KIF18B: variants seen among roughly 807,000 people sequenced by gnomAD.
KIF18B encodes kinesin family member 18B, also known as kinesin-like protein KIF18B.
Under a neutral mutation model 80.9 loss-of-function variants are expected in KIF18B, and 49 were observed. The ratio of observed to expected loss-of-function variants is 0.61; its 90% confidence interval spans 0.48 to 0.77. The LOEUF (loss-of-function observed/expected upper bound fraction) is 0.77. Among genes scored for constraint, KIF18B ranks in the 30% least tolerant of loss-of-function variants. KIF18B has a pLI of 0.00. For synonymous variants in KIF18B, 439 were observed against 463.9 expected (o/e 0.95, Z 0.69); for missense variants, 994 against 1,127.7 (o/e 0.88, Z 1.70).
Position 44,927,513 on chromosome 17 carries a change from G to A in KIF18B, c.2277-435C>T, listed in dbSNP as rs1271252998. 6.6e-6 allele frequency among the ~76,000 whole-genome samples: 1 copy of A among 152,230 alleles called. No homozygotes were observed. Among genetic ancestry groups the A allele is most frequent in the African/African-American group, 2.4e-5 (1 of 41,460 alleles). ...TGTTCCCCTCCTCTGCCATGTGTGT[G>A]GAAAGGGGGAGTGACAGCTTCGTCT... On this transcript the variant is annotated intron_variant, in intron 13 of 15. Coordinates refer to ENST00000593135, the MANE Select transcript of KIF18B (RefSeq NM_001265577.2). The surrounding 1 kb of genome is among the most constrained non-coding windows in gnomAD (Gnocchi z 4.1).
rs17546822 is a variant in KIF18B, at chr17:44,931,602, T to G, written c.1517A>C (p.Gln506Pro). The change falls in exon 11 of 16, where the codon CAG becomes CCG. Residue 506 changes from glutamine to proline, a missense_variant and splice_region_variant. By Grantham distance (76) the Gln-to-Pro change is moderately conservative. Transcript: ENST00000593135. ...ARELDGDRSK[Q>P]LALKVLCVAQ... is the part of the protein sequence containing the mutation. ...CAGAATACAGCAAGAAGATACCTAC[T>G]GCTTAGAACGGTCCCCATCCAGTTC... 1 of 1,613,930 alleles carries G rather than the reference T, an allele frequency of 6.2e-7. No individual in the cohort carries two copies. Among genetic ancestry groups the G allele is most frequent in the South Asian group, 1.1e-5 (1 of 91,088 alleles).
intron 3 of KIF18B, 72 bp downstream of exon 3, chr17:44,935,187 C>G (rs2052255727): frequency 6.9e-7 from 1 of 1,453,764 alleles, no homozygotes; most frequent in African/African-American, 1.4e-5. Context: ...CCCACACCAG[C>G]TCACTCCACC....
rs199637788 is a variant in KIF18B at position 44,926,154 on chromosome 17, G to A, written c.2485C>T (p.Arg829Trp). Residue 829 changes from arginine to tryptophan, a missense_variant, in exon 16 of 16, where the codon CGG (arginine) becomes TGG (tryptophan). By Grantham distance (101) the Arg-to-Trp change is moderately radical. Coordinates refer to ENST00000593135, the MANE Select transcript of KIF18B (RefSeq NM_001265577.2). ...LPLSPLCPSN[R>W]RNGKDLIRVG... is the part of the protein sequence containing the mutation. The stretch of plus-strand genomic sequence containing the variant: ...CTGATGAGGTCCTTTCCATTCCTCC[G>A]GTTGCTAGGGCACAGGGGACTCAAG... 19 of 1,613,774 alleles carry A rather than the reference G, an allele frequency of 1.2e-5. No homozygotes were observed. The African/African-American group carries it at 1.2e-4, about 10-fold the overall frequency.
Position 44,928,168 on chromosome 17 carries a change from G to A in KIF18B, c.2134C>T (p.Pro712Ser), listed in dbSNP as rs2052067907. ...AGGTCTCGAGTGGGCAGAGCCAGCG[G>A]GGTGGAGCAGTTCTGCATGGCGGAA... ...GPSAMQNCST[P>S]LALPTRDLNA... Residue 712 changes from proline (P) to serine (S), a missense_variant, in exon 13 of 16, where the codon CCG becomes TCG. Coordinates refer to ENST00000593135, the MANE Select transcript of KIF18B (RefSeq NM_001265577.2). 3.7e-6 allele frequency: 6 copies of A among 1,610,716 alleles called. No homozygotes were observed. Among genetic ancestry groups the A allele is most frequent in the Non-Finnish European group, 5.1e-6 (6 of 1,178,238 alleles).
At chr17:44,932,651 G>A (rs781695062) in intron 9 of KIF18B, 22 bp downstream of exon 9, 99 of 1,399,818 alleles carry the variant, frequency 7.1e-5, no homozygotes, top group Middle Eastern at 4.8e-4. Context: ...GGGTGGGGGC[G>A]GGAATGGGCA....
chr17:44,940,022 C>A (rs2052386583), intron 1 of KIF18B, among the ~76,000 whole-genome samples: 1 of 152,106 alleles, frequency 6.6e-6, no homozygotes, highest in Non-Finnish European at 1.5e-5. Context: ...CTCAAGCGAT[C>A]CACCCGCCTT....
intron 7 of KIF18B, 47 bp from the exon 8 acceptor site, chr17:44,933,033 C>T (rs1407113517): frequency 2.0e-5 from 31 of 1,556,340 alleles, no homozygotes; most frequent in Non-Finnish European, 2.4e-5. Context: ...TTCAAAGCAG[C>T]TTTTATCAGC....
At chr17:44,943,559 C>A (rs1005174679) in intron 1 of KIF18B, among the ~76,000 whole-genome samples, 1 of 152,072 alleles carries the variant, frequency 6.6e-6, no homozygotes, top group Non-Finnish European at 1.5e-5. Context: ...AGTGAGTATC[C>A]TTGCCCCTTT....
At chr17:44,926,901 A>C (rs947534977) in intron 14 of KIF18B, 88 bp downstream of exon 14, 1 of 1,147,574 alleles carries the variant, frequency 8.7e-7, no homozygotes, top group African/African-American at 1.5e-5. Flanking sequence ...AGACAGAGAC[A>C]CTGGGGGCCC....
In KIF18B at chr17:44,928,481, C is replaced by T. The variant is rs746876013; in HGVS notation, c.1821G>A (p.Leu607=). ...TGCAGTTGGGTCCAGGCGGGATTCC[C>T]AGGGTGTGCAGGGGGCCACTCAGTC... ...ARRLSGPLHT[L]GIPPGPNCTP... The change falls in exon 13 of 16, where the codon CTG becomes CTA. Residue 607 remains leucine (L), a synonymous_variant. Coordinates refer to ENST00000593135, the MANE Select transcript of KIF18B (RefSeq NM_001265577.2). 1 of 1,519,904 alleles carries T rather than the reference C, an allele frequency of 6.6e-7. No homozygotes were observed. The highest frequency in any genetic ancestry group is 1.2e-5 in the South Asian group (1 of 81,560). 94.2% of individuals were successfully genotyped at this position (1,519,904 alleles called of 1,614,324 possible). A position where few individuals can be genotyped will look rare whatever the true frequency, so the allele number is the denominator to read the frequency against.
At chr17:44,939,747 A>C (rs1196835153) in intron 1 of KIF18B, among the ~76,000 whole-genome samples, 1 of 152,074 alleles carries the variant, frequency 6.6e-6, no homozygotes, top group Non-Finnish European at 1.5e-5. Context: ...TGGGTATTAT[A>C]TATTTCTTGA....
chr17:44,926,304 C>T, intron 15 of KIF18B, 110 bp downstream of exon 15: 1 of 1,565,058 alleles, frequency 6.4e-7, no homozygotes, highest in Non-Finnish European at 8.7e-7. Flanking sequence ...AGATGCTTGG[C>T]AATACCCTAG....
intron 15 of KIF18B, 81 bp downstream of exon 15, chr17:44,926,333 T>A (rs142466047): frequency 1.3e-6 from 2 of 1,554,072 alleles, no homozygotes; most frequent in African/African-American, 2.7e-5. Context: ...TTCTTCTGGG[T>A]CTCAGCTCCC....
chr17:44,928,004 G>C, intron 13 of KIF18B, 22 bp downstream of exon 13: 1 of 1,507,722 alleles, frequency 6.6e-7, no homozygotes, highest in South Asian at 1.4e-5. Flanking sequence ...CAGGAGGGGT[G>C]GAGCGAGACT....
At position 44,933,996 on chromosome 17, in the gene KIF18B, G is replaced by A. The variant is rs1410422560; in HGVS notation, c.989C>T (p.Pro330Leu). 2 of 1,608,338 alleles carry A rather than the reference G, an allele frequency of 1.2e-6. No homozygotes were observed. Among genetic ancestry groups the A allele is most frequent in the Non-Finnish European group, 1.7e-6 (2 of 1,177,580 alleles). ...CGTGTCCTCGTAGGTCAGGCTGGAG[G>A]GGCTGATGGCAGCGATCATCACTGT... ...CRTVMIAAIS[P>L]SSLTYEDTYN... The change falls in exon 7 of 16, where the codon CCC becomes CTC. Residue 330 changes from proline to leucine, a missense_variant. Coordinates refer to ENST00000593135, the MANE Select transcript of KIF18B (RefSeq NM_001265577.2).
chr17:44,946,142 T>A (rs960347289), intron 1 of KIF18B, among the ~76,000 whole-genome samples: 1 of 152,168 alleles, frequency 6.6e-6, no homozygotes, highest in Non-Finnish European at 1.5e-5. Flanking sequence ...AATACTCTGA[T>A]AATTGTTTAG....
intron 10 of KIF18B, 133 bp from the exon 11 acceptor site, chr17:44,931,862 C>G: frequency 7.8e-7 from 1 of 1,278,876 alleles, no homozygotes; most frequent in Non-Finnish European, 1.1e-6. Context: ...CTGGTCACTT[C>G]CAAACACACA....
intron 15 of KIF18B, 52 bp downstream of exon 15, chr17:44,926,362 G>A (rs1347764228): frequency 2.6e-6 from 4 of 1,553,746 alleles, no homozygotes; most frequent in Non-Finnish European, 3.5e-6. Context: ...CCTCCTTCTT[G>A]TCTTCATCGG....
intron 1 of KIF18B, among the ~76,000 whole-genome samples, chr17:44,937,999 C>T (rs1174474890): frequency 1.3e-5 from 2 of 151,640 alleles, no homozygotes; most frequent in African/African-American, 4.9e-5. Flanking sequence ...CACACACACA[C>T]ACACACACAC....
Sources: gnomAD v4.1 joint callset for allele counts (sites outside exome capture counted in the v4.1 genomes callset) on GRCh38, gnomAD v4.1.1 for gene constraint, Gnocchi (gnomAD v3.1) non-coding constraint, MANE v1.5 for transcripts, NCBI Gene and HGNC (gene_info 2026-07-23, HGNC 2026-07-21) for gene names.